ZNF280D: variants seen among roughly 807,000 people sequenced by gnomAD.
The protein encoded by ZNF280D is suppressor of hairy wing homolog 4.
In ZNF280D, 39 loss-of-function variants were observed where a neutral mutation model predicts 94.7. The ratio of observed to expected loss-of-function variants is 0.41; its 90% CI spans 0.32 to 0.54. The LOEUF (loss-of-function observed/expected upper bound fraction) is 0.54, where lower values mean the gene tolerates loss of function less well. Among genes scored for constraint, ZNF280D ranks in the 20% least tolerant of loss-of-function variants. ZNF280D has a pLI of 0.22. For missense variants in ZNF280D, 1,090 were observed against 1,149.3 expected, an observed-to-expected ratio of 0.95 and a Z score of 0.75; for synonymous variants, 398 against 377.6, an observed-to-expected ratio of 1.05 and a Z score of -0.63.
intron 6 of ZNF280D, chr15:56,698,425 T>C (rs1223637547): frequency 6.6e-6 from 1 of 152,256 alleles, no homozygotes; most frequent in African/African-American, 2.4e-5. Context: ...GTTCAAATTT[T>C]ACCATTGGTA....
At chr15:56,699,118 C>T (rs540562632) in intron 6 of ZNF280D, 2 of 153,816 alleles carry the variant, frequency 1.3e-5, no homozygotes, top group East Asian at 1.9e-4. Flanking sequence ...CTGGCAAAAT[C>T]TTATTTAAAC....
chr15:56,685,787 A>G (rs2055964536), intron 9 of ZNF280D, among the ~76,000 whole-genome samples: 1 of 152,232 alleles, frequency 6.6e-6, no homozygotes, highest in Non-Finnish European at 1.5e-5. Context: ...ACACACATAA[A>G]GCAACCACAT....
intron 20 of ZNF280D, among the ~76,000 whole-genome samples, chr15:56,636,775 T>C (rs555146151): frequency 1.3e-5 from 2 of 151,980 alleles, no homozygotes; most frequent in African/African-American, 4.8e-5. Flanking sequence ...TGTTCCACCA[T>C]GCCCAACTAA....
At chr15:56,663,679 A>G (rs900269040) in intron 16 of ZNF280D, among the ~76,000 whole-genome samples, 2 of 152,222 alleles carry the variant, frequency 1.3e-5, no homozygotes, top group Non-Finnish European at 2.9e-5. Context: ...ATGACAATGA[A>G]CAAGAATTTC....
intron 17 of ZNF280D, 49 bp from the exon 18 acceptor site, chr15:56,654,552 A>T (rs755014981): frequency 1.3e-6 from 2 of 1,500,636 alleles, no homozygotes; most frequent in Non-Finnish European, 1.8e-6. Flanking sequence ...ATGAAAATCC[A>T]CTTATAAGTT....
chr15:56,670,015 T>TATATA, intron 13 of ZNF280D, among the ~76,000 whole-genome samples: 1 of 28,884 alleles, frequency 3.5e-5, no homozygotes, highest in Non-Finnish European at 6.3e-5. Flanking sequence ...ATATAATATA[T>TATATA]ATATATAGTG....
At position 56,701,059 on chromosome 15, in the gene ZNF280D, T is replaced by C. The variant is rs1171161906; in HGVS notation, c.255A>G (p.Ala85=). ...NGALSRGITA[A]FKPTSQHYTN... is the part of the protein sequence containing the mutation. ...TGTAGTGTTGACTTGTAGGCTTGAA[T>C]GCAGCAGTAATACCTGTATTTTAAA... Residue 85 remains alanine (A), a synonymous_variant, in exon 6 of 22, where the codon GCA becomes GCG. Coordinates refer to ENST00000267807, the MANE Select transcript of ZNF280D (RefSeq NM_017661.4). The C allele has an allele frequency of 6.2e-7, 1 of 1,613,826 alleles. No homozygotes were observed.
chr15:56,719,652 T>C (rs1197371165), intron 1 of ZNF280D, among the ~76,000 whole-genome samples: 1 of 152,122 alleles, frequency 6.6e-6, no homozygotes, highest in Non-Finnish European at 1.5e-5. Flanking sequence ...TGAAAACTAC[T>C]ATCTAGATAT....
At chr15:56,678,521 T>C (rs1753149338) in intron 11 of ZNF280D, 143 bp downstream of exon 11, 1 of 619,124 alleles carries the variant, frequency 1.6e-6, no homozygotes, top group Non-Finnish European at 2.6e-6. Flanking sequence ...TTATCACAGT[T>C]AAAACTTGGC....
At chr15:56,699,504 T>A in intron 6 of ZNF280D, 1 of 876,812 alleles carries the variant, frequency 1.1e-6, no homozygotes, top group Non-Finnish European at 1.4e-6. Context: ...CTAACATGAC[T>A]GAAATAAAAT....
At chr15:56,643,932 C>G (rs961154537) in intron 19 of ZNF280D, among the ~76,000 whole-genome samples, 7 of 151,816 alleles carry the variant, frequency 4.6e-5, no homozygotes, top group Non-Finnish European at 1.0e-4. Context: ...AAACGTCAAC[C>G]ATCCTAAAAG....
In ZNF280D at chr15:56,654,441, A is replaced by G. The variant is rs2053406554; in HGVS notation, c.2120T>C (p.Met707Thr). Residue 707 changes from methionine to threonine, a missense_variant, in exon 18 of 22, where the codon ATG becomes ACG. Coordinates refer to ENST00000267807, the MANE Select transcript of ZNF280D (RefSeq NM_017661.4). ...TTTATGTTGACTTAAGTGTGTAGCCATATTATCTAAGCCAGAAACATCACT... is the reference window on the plus strand; with the variant it reads ...TTTATGTTGACTTAAGTGTGTAGCCGTATTATCTAAGCCAGAAACATCACT... The part of the protein sequence containing the change: ...FLSDVSGLDN[M>T]ATHLSQHKTH... The G allele has an allele frequency of 1.9e-6, 3 of 1,612,090 alleles. No individual in the cohort carries two copies. Among genetic ancestry groups the G allele is most frequent in the Middle Eastern group, 1.7e-4 (1 of 6,028 alleles).
At chr15:56,704,375 C>T in intron 3 of ZNF280D, 108 bp from the exon 4 acceptor site, 3 of 1,092,368 alleles carry the variant, frequency 2.7e-6, no homozygotes, top group Non-Finnish European at 3.9e-6. Context: ...ATCTTAATAG[C>T]AATTTCTGAA....
At chr15:56,720,000 T>C (rs1311587534) in intron 1 of ZNF280D, among the ~76,000 whole-genome samples, 1 of 151,090 alleles carries the variant, frequency 6.6e-6, no homozygotes, top group Non-Finnish European at 1.5e-5. Context: ...CTAATCAGGG[T>C]AGTGGCTGGC....
chr15:56,723,835 C>T (rs540076469), intron 1 of ZNF280D, among the ~76,000 whole-genome samples: 59 of 139,416 alleles, frequency 4.2e-4, no homozygotes, highest in Non-Finnish European at 2.7e-4. Context: ...TGATTAAACC[C>T]ATCATTAGCT....
At chr15:56,715,529 C>T (rs928563774) in intron 1 of ZNF280D, among the ~76,000 whole-genome samples, 1 of 152,078 alleles carries the variant, frequency 6.6e-6, no homozygotes, top group South Asian at 2.1e-4. Flanking sequence ...AAAAGCTATA[C>T]TGTGTGCAGA....
At chr15:56,656,981 C>T (rs1356957904) in intron 17 of ZNF280D, among the ~76,000 whole-genome samples, 1 of 152,092 alleles carries the variant, frequency 6.6e-6, no homozygotes, top group Admixed American at 6.6e-5. Flanking sequence ...GGAAAGCAAA[C>T]TAGGCATAGG....
intron 6 of ZNF280D, chr15:56,700,679 G>T: frequency 7.1e-7 from 1 of 1,405,564 alleles, no homozygotes; most frequent in Non-Finnish European, 9.2e-7. Flanking sequence ...TTCACATTTT[G>T]ATAGTATAGT....
chr15:56,664,133 C>G (rs974220544), intron 16 of ZNF280D, among the ~76,000 whole-genome samples: 10 of 152,004 alleles, frequency 6.6e-5, no homozygotes, highest in African/African-American at 2.2e-4. Context: ...AAAGAAGTCA[C>G]AGAGGAGTAA....
Sources: allele counts gnomAD v4.1 joint callset (sites outside exome capture counted in the v4.1 genomes callset), GRCh38; gene constraint gnomAD v4.1.1; transcripts MANE v1.5; gene names NCBI Gene and HGNC (gene_info 2026-07-23, HGNC 2026-07-21).